The following KCNK2 variants were observed in gnomAD, a reference collection of about 807,000 sequenced individuals.
KCNK2 encodes potassium channel subfamily K member 2.
KCNK2 carries 21 observed loss-of-function variants against 40.5 expected under a neutral mutation model. The observed-to-expected ratio is 0.52, with a 90% CI of 0.37 to 0.75. The LOEUF is 0.75. Among genes scored for constraint, KCNK2 ranks in the 30% least tolerant of loss-of-function variants. KCNK2 has a pLI of 0.00. For missense variants in KCNK2, 399 were observed against 531.6 expected (o/e 0.75, Z 2.45); for synonymous variants, 191 against 202.2 (o/e 0.94, Z 0.47).
intron 2 of KCNK2, among the ~76,000 whole-genome samples, chr1:215,105,064 A>T (rs1163937737): frequency 6.6e-6 from 1 of 152,088 alleles, no homozygotes; most frequent in Non-Finnish European, 1.5e-5. Context: ...AGTTGTGGGA[A>T]AAAGCATGTA....
chr1:215,228,534 T>C (rs1412699980), intron 6 of KCNK2, among the ~76,000 whole-genome samples: 1 of 152,008 alleles, frequency 6.6e-6, no homozygotes, highest in East Asian at 1.9e-4. Flanking sequence ...TAAAGACCTC[T>C]TTCTTCCGTA....
intron 1 of KCNK2, among the ~76,000 whole-genome samples, chr1:215,045,614 TAGAC>T (rs572775332): frequency 2.8e-4 from 42 of 152,216 alleles, no homozygotes; most frequent in Non-Finnish European, 4.6e-4. Flanking sequence ...TTTGGTTTGA[TAGAC>T]AGCATATGAA....
At chr1:215,178,947 G>A (rs1664106337) in intron 5 of KCNK2, among the ~76,000 whole-genome samples, 1 of 151,900 alleles carries the variant, frequency 6.6e-6, no homozygotes, top group Non-Finnish European at 1.5e-5. Flanking sequence ...TGTACATCTG[G>A]TAGAATCTGA....
chr1:215,035,186 C>T (rs1657342253), intron 1 of KCNK2, among the ~76,000 whole-genome samples: 1 of 152,032 alleles, frequency 6.6e-6, no homozygotes, highest in African/African-American at 2.4e-5. Flanking sequence ...GCATTTTTAC[C>T]TTTCAGTGAT....
chr1:215,032,739 G>C (rs1004093935), intron 1 of KCNK2, among the ~76,000 whole-genome samples: 9 of 152,096 alleles, frequency 5.9e-5, no homozygotes, highest in African/African-American at 1.9e-4. Flanking sequence ...CAAGAAGTTC[G>C]ATGTAATTAT....
At chr1:215,206,704 T>C (rs1244391309) in intron 6 of KCNK2, among the ~76,000 whole-genome samples, 10 of 152,070 alleles carry the variant, frequency 6.6e-5, no homozygotes, top group African/African-American at 2.4e-4. Context: ...GGTTTCCCTC[T>C]TCTTTGTTCA....
intron 1 of KCNK2, among the ~76,000 whole-genome samples, chr1:215,066,240 T>A (rs769574458): frequency 4.1e-4 from 63 of 152,246 alleles, no homozygotes; most frequent in Non-Finnish European, 8.7e-4. Context: ...GTTCTGCACA[T>A]GTACCCCAGA....
At chr1:215,039,428 A>G (rs1407509216) in intron 1 of KCNK2, among the ~76,000 whole-genome samples, 8 of 152,144 alleles carry the variant, frequency 5.3e-5, no homozygotes, top group South Asian at 2.1e-4. Context: ...TAGTTTTGCA[A>G]TAAACCCCAT....
At chr1:215,196,686 G>A (rs1664880737) in intron 6 of KCNK2, among the ~76,000 whole-genome samples, 1 of 152,104 alleles carries the variant, frequency 6.6e-6, no homozygotes. Context: ...GCGTGTGTGA[G>A]TGTGGTGTGT....
chr1:215,110,804 A>G (rs1558095636), intron 2 of KCNK2, among the ~76,000 whole-genome samples: 1 of 152,110 alleles, frequency 6.6e-6, no homozygotes, highest in Non-Finnish European at 1.5e-5. Flanking sequence ...AGAGTTACAC[A>G]TTTGTTACAA....
At chr1:215,079,112 T>C (rs1659052986), upstream of KCNK2, among the ~76,000 whole-genome samples, 3 of 152,230 alleles carry the variant, frequency 2.0e-5, no homozygotes, top group Admixed American at 2.0e-4. Context: ...AATTTTTTAA[T>C]TATATAATTT....
intron 1 of KCNK2, among the ~76,000 whole-genome samples, chr1:215,040,571 C>T (rs1246105492): frequency 1.3e-5 from 2 of 152,168 alleles, no homozygotes; most frequent in African/African-American, 4.8e-5. Context: ...AACAGAGATA[C>T]TTCCAGTTAA....
chr1:215,183,459 A>C (rs916987025), intron 5 of KCNK2, among the ~76,000 whole-genome samples: 4 of 152,134 alleles, frequency 2.6e-5, no homozygotes, highest in Admixed American at 1.3e-4. Context: ...AATTTTAAAA[A>C]CTTTTCCTCT....
At chr1:215,228,660 A>T (rs1283670155) in intron 6 of KCNK2, among the ~76,000 whole-genome samples, 1 of 152,144 alleles carries the variant, frequency 6.6e-6, no homozygotes, top group Non-Finnish European at 1.5e-5. Flanking sequence ...GGAAGATGAA[A>T]CACTATTTGA....
At chr1:215,050,035 TA>T (rs577810156) in intron 1 of KCNK2, among the ~76,000 whole-genome samples, 41 of 152,270 alleles carry the variant, frequency 2.7e-4, no homozygotes, top group Non-Finnish European at 4.3e-4. Flanking sequence ...TCTATGTCTA[TA>T]AAAAACCTTG....
chr1:215,091,075 A>G (rs1659674883), intron 2 of KCNK2, among the ~76,000 whole-genome samples: 2 of 152,214 alleles, frequency 1.3e-5, no homozygotes, highest in Non-Finnish European at 2.9e-5. Flanking sequence ...ATTACCGTAG[A>G]AATACTTACA....
intron 1 of KCNK2, among the ~76,000 whole-genome samples, chr1:215,048,864 G>A (rs1467592689): frequency 6.6e-6 from 1 of 152,102 alleles, no homozygotes; most frequent in Admixed American, 6.5e-5. Context: ...TTGCTGAGTG[G>A]TATCCCGTGG....
intron 3 of KCNK2, among the ~76,000 whole-genome samples, chr1:215,129,849 C>T (rs1346893400): frequency 1.3e-5 from 2 of 152,162 alleles, no homozygotes; most frequent in Non-Finnish European, 2.9e-5. Context: ...TGCTGGCTGT[C>T]ATTCAGAAGG....
intron 3 of KCNK2, among the ~76,000 whole-genome samples, chr1:215,149,765 T>C (rs1371581951): frequency 6.6e-6 from 1 of 152,212 alleles, no homozygotes; most frequent in Non-Finnish European, 1.5e-5. Flanking sequence ...TATCTTCATG[T>C]AATATTTTTC....
Sources: gnomAD v4.1 joint callset for allele counts (sites outside exome capture counted in the v4.1 genomes callset) on GRCh38, gnomAD v4.1.1 for gene constraint, MANE v1.5 for transcripts, NCBI Gene and HGNC (gene_info 2026-07-23, HGNC 2026-07-21) for gene names.